TMEM117: variants seen among roughly 807,000 people sequenced by gnomAD.
TMEM117 encodes transmembrane protein 117.
In TMEM117, 27 loss-of-function variants were observed where a neutral mutation model predicts 52.4. The observed-to-expected ratio is 0.51, with a 90% CI of 0.38 to 0.71. The LOEUF (loss-of-function observed/expected upper bound fraction) is 0.71. Ranked by LOEUF, TMEM117 falls within the 30% of genes least tolerant of loss-of-function variation. TMEM117 has a pLI of 0.00. For synonymous variants in TMEM117, 215 were observed against 206.3 expected (o/e 1.04, Z -0.36); for missense variants, 556 against 630.5 (o/e 0.88, Z 1.26).
At chr12:43,800,625 T>A in the TMEM117 span, 1 of 957,272 alleles carries the variant, frequency 1.0e-6, no homozygotes, top group African/African-American at 1.6e-5. Flanking sequence ...TGAATCACAT[T>A]AAAAACAAAA....
At chr12:43,998,580 A>G (rs895563216) in intron 3 of TMEM117, among the ~76,000 whole-genome samples, 9 of 152,216 alleles carry the variant, frequency 5.9e-5, no homozygotes, top group Non-Finnish European at 1.3e-4. Flanking sequence ...TCAATTCCAG[A>G]TGAAGTGTAA....
chr12:43,864,789 C>A (rs1460134381), intron 2 of TMEM117, among the ~76,000 whole-genome samples: 1 of 152,138 alleles, frequency 6.6e-6, no homozygotes, highest in Non-Finnish European at 1.5e-5. Flanking sequence ...CTGCTGGAGC[C>A]AGCAGGGGGT....
chr12:44,300,764 A>G (rs1224572605), intron 6 of TMEM117, among the ~76,000 whole-genome samples: 2 of 152,216 alleles, frequency 1.3e-5, no homozygotes, highest in Non-Finnish European at 2.9e-5. Flanking sequence ...TTATTTAAAG[A>G]GGTAAAACGG....
intron 5 of TMEM117, among the ~76,000 whole-genome samples, chr12:44,223,890 G>A (rs944049337): frequency 7.2e-5 from 11 of 152,142 alleles, no homozygotes; most frequent in Non-Finnish European, 7.3e-5. Flanking sequence ...TGTTTGCCTC[G>A]TTCTGCCAAT....
At position 44,035,936 on chromosome 12, in the gene TMEM117, T is replaced by C. The variant is rs557971393; in HGVS notation, c.410+91594T>C. ...AGTTTTCTTAGTATCTTTTATCAAA[T>C]GAAAGATATGGCAGGTGTTTTATGA... On this transcript the variant is annotated intron_variant, in intron 3 of 7. Coordinates refer to ENST00000266534, the MANE Select transcript of TMEM117 (RefSeq NM_032256.3). Among the ~76,000 whole-genome samples, 25 of 152,352 alleles carry C rather than the reference T, an allele frequency of 1.6e-4. 2 individuals are homozygous for C. In the South Asian group the frequency reaches 5.0e-3, roughly 30 times the overall value.
chr12:43,865,422 T>G (rs1943574236), intron 2 of TMEM117, among the ~76,000 whole-genome samples: 1 of 152,134 alleles, frequency 6.6e-6, no homozygotes, highest in Non-Finnish European at 1.5e-5. Flanking sequence ...TTTGGCCAGG[T>G]ATACTGGCTC....
intron 3 of TMEM117, among the ~76,000 whole-genome samples, chr12:44,055,082 A>G (rs1947033481): frequency 1.3e-5 from 2 of 152,224 alleles, no homozygotes; most frequent in African/African-American, 4.8e-5. Flanking sequence ...TAGGCAATGG[A>G]TGATCACAAT....
At position 44,335,190 on chromosome 12, in the gene TMEM117, C is replaced by A. The variant is rs144313959; in HGVS notation, c.768+35451C>A. The stretch of plus-strand genomic sequence containing the variant: ...TGGAAACTAACACTGGATATGTGGC[C>A]TGAAGTCAGATTATGGAAGCACTTG... On this transcript the variant is annotated intron_variant, in intron 6 of 7. Transcript: ENST00000266534. Among the ~76,000 whole-genome samples the A allele has an allele frequency of 5.1e-3, 781 of 152,030 alleles. 3 individuals carry two copies. The highest frequency in any genetic ancestry group is 8.9e-3 in the Non-Finnish European group (602 of 67,932).
chr12:43,881,246 G>A (rs1237328581), intron 2 of TMEM117, among the ~76,000 whole-genome samples: 1 of 152,154 alleles, frequency 6.6e-6, no homozygotes, highest in South Asian at 2.1e-4. Flanking sequence ...TTATTATGCA[G>A]TCCAAAGATT....
intron 6 of TMEM117, among the ~76,000 whole-genome samples, chr12:44,356,946 C>T (rs760309751): frequency 6.6e-6 from 1 of 152,120 alleles, no homozygotes; most frequent in African/African-American, 2.4e-5. Flanking sequence ...CTGTTAGCTT[C>T]ATTGCATGGG....
chr12:44,068,844 AAC>A (rs918354830), intron 3 of TMEM117, among the ~76,000 whole-genome samples: 12 of 152,336 alleles, frequency 7.9e-5, no homozygotes, highest in African/African-American at 2.9e-4. Context: ...ATTTGTGAAA[AAC>A]ACAGTATCTG....
At chr12:44,244,043 G>T (rs1348633442) in intron 5 of TMEM117, among the ~76,000 whole-genome samples, 1 of 151,960 alleles carries the variant, frequency 6.6e-6, no homozygotes, top group Non-Finnish European at 1.5e-5. Context: ...CACTTAGGTT[G>T]ATTTCATATC....
intron 2 of TMEM117, among the ~76,000 whole-genome samples, chr12:43,921,385 A>G (rs181765244): frequency 6.6e-6 from 1 of 152,246 alleles, no homozygotes; most frequent in East Asian, 1.9e-4. Context: ...TCTGGTAGAG[A>G]GAGAATAAGA....
chr12:44,041,116 T>G lies in TMEM117; in HGVS notation c.410+96774T>G, dbSNP rs148686954. 9.3e-3 allele frequency among the ~76,000 whole-genome samples: 1,418 copies of G among 152,254 alleles called. 15 individuals carry two copies. Among genetic ancestry groups the G allele is most frequent in the East Asian group, 0.037 (189 of 5,178 alleles). On this transcript the variant is annotated intron_variant, in intron 3 of 7. Coordinates refer to ENST00000266534, the MANE Select transcript of TMEM117 (RefSeq NM_032256.3). ...AGTATTCTTTTTTTAAATTATACTG[T>G]AAGTTTTAGGGTACATGTGCACAAC...
At chr12:44,051,031 G>A (rs1206205120) in intron 3 of TMEM117, among the ~76,000 whole-genome samples, 2 of 152,148 alleles carry the variant, frequency 1.3e-5, no homozygotes, top group South Asian at 2.1e-4. Context: ...TGAGATAATT[G>A]AAGACAACAA....
At chr12:44,086,971 AATTATAT>A (rs1321798643) in intron 3 of TMEM117, among the ~76,000 whole-genome samples, 6 of 147,502 alleles carry the variant, frequency 4.1e-5, no homozygotes, top group South Asian at 2.1e-4. Context: ...AATAATTATA[AATTATAT>A]AATATATAAT....
At chr12:44,142,864 C>T (rs1232093162) in intron 3 of TMEM117, among the ~76,000 whole-genome samples, 1 of 151,958 alleles carries the variant, frequency 6.6e-6, no homozygotes, top group African/African-American at 2.4e-5. Flanking sequence ...ATGAAAATGC[C>T]TGATGAACAG....
intron 4 of TMEM117, among the ~76,000 whole-genome samples, chr12:44,204,847 C>T (rs1253553337): frequency 6.6e-6 from 1 of 152,092 alleles, no homozygotes. Context: ...ACTGGCTAGC[C>T]ATATGCAGAA....
At chr12:43,979,210 A>G (rs1330400496) in intron 3 of TMEM117, among the ~76,000 whole-genome samples, 1 of 152,032 alleles carries the variant, frequency 6.6e-6, no homozygotes, top group Non-Finnish European at 1.5e-5. Flanking sequence ...CCAGGAAGTT[A>G]ATATGTATCC....
Sources: allele counts gnomAD v4.1 joint callset (sites outside exome capture counted in the v4.1 genomes callset), GRCh38; gene constraint gnomAD v4.1.1; transcripts MANE v1.5; gene names NCBI Gene and HGNC (gene_info 2026-07-23, HGNC 2026-07-21).